ZDHHC17: variants seen among roughly 807,000 people sequenced by gnomAD.
ZDHHC17 encodes zDHHC palmitoyltransferase 17.
ZDHHC17 carries 40 observed loss-of-function variants against 90.3 expected under a neutral mutation model. The observed-to-expected ratio is 0.44, with a 90% CI of 0.34 to 0.58. The LOEUF is 0.58. ZDHHC17 is among the 20% of genes least tolerant of loss of function. ZDHHC17 has a pLI of 0.01. For missense variants in ZDHHC17, 614 were observed against 780.8 expected (o/e 0.79, Z 2.55); for synonymous variants, 235 against 252.4 (o/e 0.93, Z 0.65).
chr12:76,787,907 C>A (rs1264850787), intron 1 of ZDHHC17, among the ~76,000 whole-genome samples: 2 of 152,152 alleles, frequency 1.3e-5, no homozygotes, highest in African/African-American at 4.8e-5. Flanking sequence ...GCTGCAGTAA[C>A]AACCCTAAAT....
intron 2 of ZDHHC17, among the ~76,000 whole-genome samples, chr12:76,803,775 A>G (rs1952921663): frequency 6.6e-6 from 1 of 152,198 alleles, no homozygotes; most frequent in South Asian, 2.1e-4. Context: ...GCCCGAAACC[A>G]AATAGCTGCT....
intron 5 of ZDHHC17, among the ~76,000 whole-genome samples, chr12:76,810,797 A>G (rs753139627): frequency 6.6e-6 from 1 of 152,118 alleles, no homozygotes; most frequent in Non-Finnish European, 1.5e-5. Flanking sequence ...TACGTCTCAC[A>G]ATTTTGTGGG....
chr12:76,815,106 T>C (rs373898009), intron 5 of ZDHHC17, 40 bp from the exon 6 acceptor site: 332 of 1,476,410 alleles, frequency 2.2e-4, no homozygotes, highest in Non-Finnish European at 2.7e-4. Context: ...TAGGAACTTA[T>C]AATTTAACTG....
intron 3 of ZDHHC17, 126 bp downstream of exon 3, chr12:76,805,565 T>A: frequency 1.1e-6 from 1 of 897,114 alleles, no homozygotes; most frequent in Non-Finnish European, 1.6e-6. Flanking sequence ...AGATTCTGTG[T>A]ACCTTGTTTT....
At chr12:76,771,204 GGATAAAAT>G (rs1952488095) in intron 1 of ZDHHC17, among the ~76,000 whole-genome samples, 2 of 152,038 alleles carry the variant, frequency 1.3e-5, no homozygotes, top group Admixed American at 1.3e-4. Flanking sequence ...TTTAGACCTA[GGATAAAAT>G]ATCTTCTTTT....
At chr12:76,818,298 G>C (rs1385155135) in intron 7 of ZDHHC17, among the ~76,000 whole-genome samples, 1 of 152,112 alleles carries the variant, frequency 6.6e-6, no homozygotes, top group African/African-American at 2.4e-5. Flanking sequence ...TAAAAATGGG[G>C]ATCTGCCTCA....
At chr12:76,778,092 ACT>A (rs1186741436) in intron 1 of ZDHHC17, among the ~76,000 whole-genome samples, 1 of 151,944 alleles carries the variant, frequency 6.6e-6, no homozygotes, top group Non-Finnish European at 1.5e-5. Context: ...TATTTACATG[ACT>A]CTGGTGTTGA....
At chr12:76,798,913 C>T (rs1216068039) in intron 2 of ZDHHC17, among the ~76,000 whole-genome samples, 1 of 152,166 alleles carries the variant, frequency 6.6e-6, no homozygotes, top group East Asian at 1.9e-4. Context: ...ATCCAGTCAC[C>T]TCTCACCAGG....
Position 76,852,357 on chromosome 12 carries a change from G to T in ZDHHC17, c.*1372G>T, listed in dbSNP as rs1193996299. 6.6e-6 allele frequency: 1 copy of T among 152,622 alleles called. No individual in the cohort carries two copies. Among genetic ancestry groups the T allele is most frequent in the Non-Finnish European group, 1.5e-5 (1 of 68,034 alleles). 9.5% of individuals were successfully genotyped at this position (152,622 alleles called of 1,614,324 possible). ...ATGACAGATCCTAGACCAATGTAAA[G>T]AATGTGTATCTGTATATAAATAATT... On this transcript the variant is annotated 3_prime_UTR_variant, in exon 17 of 17. Transcript: ENST00000426126.
At chr12:76,832,320 T>C (rs1033294087) in intron 10 of ZDHHC17, among the ~76,000 whole-genome samples, 1 of 152,226 alleles carries the variant, frequency 6.6e-6, no homozygotes, top group African/African-American at 2.4e-5. Flanking sequence ...TCTGTTGCTT[T>C]TACCACTTTT....
rs1200118530 is a variant in ZDHHC17 at position 76,783,707 on chromosome 12, C to T, written c.94-13727C>T. ...GATATCAGGTCCTAATCTCTGGAACCTATAAATGTTACCTTATCAGGAAAA... is the reference window on the plus strand; with the variant it reads ...GATATCAGGTCCTAATCTCTGGAACTTATAAATGTTACCTTATCAGGAAAA... On this transcript the variant is annotated intron_variant, in intron 1 of 16. Transcript: ENST00000426126. 3.3e-5 allele frequency among the ~76,000 whole-genome samples: 5 copies of T among 152,224 alleles called. No individual in the cohort carries two copies. In the East Asian group the frequency reaches 7.7e-4, roughly 23 times the overall value.
intron 7 of ZDHHC17, among the ~76,000 whole-genome samples, chr12:76,818,663 G>T (rs1205885002): frequency 6.6e-6 from 1 of 152,162 alleles, no homozygotes; most frequent in Non-Finnish European, 1.5e-5. Context: ...CAAGTGCACG[G>T]TCCTAAACAG....
intron 1 of ZDHHC17, among the ~76,000 whole-genome samples, chr12:76,791,782 G>A (rs1952762356): frequency 2.0e-5 from 3 of 152,140 alleles, no homozygotes. Flanking sequence ...GGACTGACTG[G>A]CTATAAATTG....
intron 3 of ZDHHC17, among the ~76,000 whole-genome samples, chr12:76,807,547 A>G (rs1373824381): frequency 6.6e-6 from 1 of 152,204 alleles, no homozygotes; most frequent in Non-Finnish European, 1.5e-5. Flanking sequence ...CTAAGGTCTT[A>G]TAGCTACACG....
intron 1 of ZDHHC17, among the ~76,000 whole-genome samples, chr12:76,787,504 G>A (rs1952702023): frequency 6.6e-6 from 1 of 152,046 alleles, no homozygotes; most frequent in African/African-American, 2.4e-5. Flanking sequence ...TTAAAAAATG[G>A]AGGAAAAATA....
intron 5 of ZDHHC17, among the ~76,000 whole-genome samples, chr12:76,813,783 A>G (rs1300421697): frequency 1.3e-5 from 2 of 152,096 alleles, no homozygotes; most frequent in Non-Finnish European, 2.9e-5. Flanking sequence ...TGTTGACTAG[A>G]TGCTTTGCAC....
chr12:76,783,937 G>A (rs1952656639), intron 1 of ZDHHC17, among the ~76,000 whole-genome samples: 7 of 152,262 alleles, frequency 4.6e-5, no homozygotes, highest in Admixed American at 3.9e-4. Flanking sequence ...GAAGAGGCAA[G>A]GAACAGATTC....
chr12:76,826,131 C>T (rs565801589), intron 8 of ZDHHC17, among the ~76,000 whole-genome samples: 64 of 152,208 alleles, frequency 4.2e-4, no homozygotes, highest in Non-Finnish European at 8.4e-4. Flanking sequence ...GAATATCTTA[C>T]ATAGTTTTGT....
intron 3 of ZDHHC17, among the ~76,000 whole-genome samples, chr12:76,807,330 T>C (rs1405018486): frequency 6.6e-6 from 1 of 152,236 alleles, no homozygotes; most frequent in Admixed American, 6.5e-5. Context: ...AATGTATTTA[T>C]ATTGACTTTC....
Sources: allele counts gnomAD v4.1 joint callset (sites outside exome capture counted in the v4.1 genomes callset), GRCh38; gene constraint gnomAD v4.1.1; transcripts MANE v1.5; gene names NCBI Gene and HGNC (gene_info 2026-07-23, HGNC 2026-07-21).